Variants in MYO3A observed in about 807,000 individuals in gnomAD.
MYO3A encodes the protein myosin IIIA.
In MYO3A, 180 loss-of-function variants were observed where a neutral mutation model predicts 192.7. The ratio of observed to expected loss-of-function variants is 0.93; its 90% CI spans 0.83 to 1.06. The LOEUF is 1.06. Among genes scored for constraint, MYO3A ranks in the 50% least tolerant of loss-of-function variants. MYO3A has a pLI of 0.00. For missense variants in MYO3A, 1,896 were observed against 1,905.0 expected (o/e 1.00, Z 0.09); for synonymous variants, 628 against 645.3 (o/e 0.97, Z 0.41).
At chr10:26,106,109 C>T (rs1837784080) in intron 17 of MYO3A, among the ~76,000 whole-genome samples, 1 of 152,072 alleles carries the variant, frequency 6.6e-6, no homozygotes, top group Non-Finnish European at 1.5e-5. Context: ...TATTGTTTAG[C>T]ATTGCTTGTC....
chr10:25,972,982 T>C (rs1838752495), intron 4 of MYO3A, among the ~76,000 whole-genome samples: 1 of 152,212 alleles, frequency 6.6e-6, no homozygotes, highest in Non-Finnish European at 1.5e-5. Flanking sequence ...TTCTTAGCTG[T>C]TTCTTTTTAA....
Position 26,212,129 on chromosome 10 carries a change from C to T in MYO3A, c.*166C>T, listed in dbSNP as rs1334583450. On this transcript the variant is annotated 3_prime_UTR_variant, in exon 35 of 35. Transcript: ENST00000642920. ...GCCCTCAAGTGCCCGGGCCGGCCTT[C>T]GTGCTCCGAAACAAGAGACCTGGGA... The T allele has an allele frequency of 1.4e-5, 15 of 1,069,826 alleles. No individual in the cohort carries two copies. Among genetic ancestry groups the T allele is most frequent in the Non-Finnish European group, 1.9e-5 (15 of 775,668 alleles). The allele number at this position is 1,069,826 out of a possible 1,614,324, so 66.3% of individuals were successfully genotyped here. A position where few individuals can be genotyped will look rare whatever the true frequency, so the allele number is the denominator to read the frequency against.
At chr10:26,007,143 T>C (rs1267582228) in intron 6 of MYO3A, among the ~76,000 whole-genome samples, 5 of 148,310 alleles carry the variant, frequency 3.4e-5, no homozygotes, top group Non-Finnish European at 4.4e-5. Flanking sequence ...CATGATTATC[T>C]CAACAGATGC....
intron 10 of MYO3A, among the ~76,000 whole-genome samples, chr10:26,060,500 T>C (rs1314044985): frequency 6.6e-6 from 1 of 151,964 alleles, no homozygotes; most frequent in East Asian, 1.9e-4. Flanking sequence ...AAGACAGTGA[T>C]ACAAGAATAT....
intron 6 of MYO3A, among the ~76,000 whole-genome samples, chr10:26,014,615 C>A (rs1225038812): frequency 6.6e-6 from 1 of 151,972 alleles, no homozygotes; most frequent in African/African-American, 2.4e-5. Context: ...GTCTAGGAAG[C>A]ATTGTTGGAT....
chr10:26,125,361 A>G (rs760922311), intron 18 of MYO3A, 37 bp from the exon 19 acceptor site: 2 of 1,603,584 alleles, frequency 1.2e-6, no homozygotes, highest in Non-Finnish European at 1.7e-6. Context: ...CCTCATTGCC[A>G]TAATTTCTTC....
At chr10:26,193,506 C>G (rs979404554) in intron 32 of MYO3A, among the ~76,000 whole-genome samples, 195 bp downstream of exon 32, 1 of 152,162 alleles carries the variant, frequency 6.6e-6, no homozygotes. Flanking sequence ...TCCTCACATT[C>G]AAGCCTCTCC....
intron 18 of MYO3A, among the ~76,000 whole-genome samples, chr10:26,122,882 A>G (rs1245756127): frequency 1.3e-5 from 2 of 152,342 alleles, no homozygotes; most frequent in Admixed American, 6.5e-5. Context: ...CAATAAATGT[A>G]TGTCAAATAA....
chr10:26,080,005 T>C (rs1453143095), intron 14 of MYO3A, among the ~76,000 whole-genome samples: 1 of 152,182 alleles, frequency 6.6e-6, no homozygotes, highest in African/African-American at 2.4e-5. Flanking sequence ...TGTGCCTAGA[T>C]GAAGACCTTA....
intron 10 of MYO3A, among the ~76,000 whole-genome samples, chr10:26,037,244 A>G (rs1351568558): frequency 6.6e-6 from 1 of 152,216 alleles, no homozygotes; most frequent in African/African-American, 2.4e-5. Flanking sequence ...TTAATCATCT[A>G]TGTCTCCAGT....
intron 20 of MYO3A, among the ~76,000 whole-genome samples, chr10:26,141,223 G>A (rs1840147019): frequency 6.6e-6 from 1 of 152,100 alleles, no homozygotes; most frequent in African/African-American, 2.4e-5. Flanking sequence ...CACTGTGCCG[G>A]TACCTAAATA....
At chr10:26,050,675 G>A (rs540368471) in intron 10 of MYO3A, among the ~76,000 whole-genome samples, 6 of 152,246 alleles carry the variant, frequency 3.9e-5, no homozygotes, top group South Asian at 4.1e-4. Flanking sequence ...AACTCAGGTC[G>A]CTCTATCTAA....
intron 4 of MYO3A, among the ~76,000 whole-genome samples, chr10:25,963,741 G>A (rs1160007708): frequency 6.6e-6 from 1 of 152,184 alleles, no homozygotes; most frequent in Non-Finnish European, 1.5e-5. Context: ...TGTACTTGCA[G>A]TAGAACAGAC....
At chr10:26,085,778 G>A (rs1836266735) in intron 14 of MYO3A, among the ~76,000 whole-genome samples, 1 of 152,234 alleles carries the variant, frequency 6.6e-6, no homozygotes, top group South Asian at 2.1e-4. Flanking sequence ...ATGACTGCAA[G>A]TGTCCACAGT....
intron 9 of MYO3A, among the ~76,000 whole-genome samples, chr10:26,024,528 A>G (rs1190686946): frequency 6.6e-6 from 1 of 152,136 alleles, no homozygotes; most frequent in Non-Finnish European, 1.5e-5. Flanking sequence ...GCTGGTTGTT[A>G]TACAGACTTG....
chr10:26,106,675 G>C (rs1837823679), intron 17 of MYO3A, among the ~76,000 whole-genome samples: 1 of 152,036 alleles, frequency 6.6e-6, no homozygotes, highest in African/African-American at 2.4e-5. Flanking sequence ...ATTTAGGGTT[G>C]TTATTAGGAA....
chr10:26,121,799 T>C (rs1360901785), intron 18 of MYO3A, among the ~76,000 whole-genome samples: 1 of 151,972 alleles, frequency 6.6e-6, no homozygotes, highest in African/African-American at 2.4e-5. Context: ...AATTTTTATT[T>C]ATATACTTTT....
intron 4 of MYO3A, among the ~76,000 whole-genome samples, chr10:25,989,089 G>A (rs1839848784): frequency 1.3e-5 from 2 of 151,582 alleles, no homozygotes; most frequent in African/African-American, 4.8e-5. Context: ...TCAGCTATGT[G>A]CCACTATGCC....
intron 10 of MYO3A, among the ~76,000 whole-genome samples, chr10:26,053,495 G>A (rs1844128306): frequency 6.6e-6 from 1 of 152,132 alleles, no homozygotes; most frequent in Non-Finnish European, 1.5e-5. Context: ...AAAGTTTATT[G>A]AGCAGTGTAG....
Sources: allele counts gnomAD v4.1 joint callset (sites outside exome capture counted in the v4.1 genomes callset), GRCh38; gene constraint gnomAD v4.1.1; transcripts MANE v1.5; gene names NCBI Gene and HGNC (gene_info 2026-07-23, HGNC 2026-07-21).